Variants in RNF4 observed in about 807,000 individuals in gnomAD.
RNF4 encodes the protein ring finger protein 4, also known as E3 ubiquitin-protein ligase RNF4.
A neutral mutation model predicts 24.3 loss-of-function variants in RNF4; 7 were observed. The observed-to-expected ratio is 0.29, with a 90% CI of 0.16 to 0.54. The LOEUF (loss-of-function observed/expected upper bound fraction) is 0.54. RNF4 is among the 20% of genes least tolerant of loss of function. The pLI is 0.95. For synonymous variants in RNF4, 83 were observed against 84.3 expected, an observed-to-expected ratio of 0.98 and a Z score of 0.09; for missense variants, 209 against 248.5, an observed-to-expected ratio of 0.84 and a Z score of 1.07.
At chr4:2,513,526 C>A in intron 7 of RNF4, 144 bp from the exon 8 acceptor site, 1 of 915,446 alleles carries the variant, frequency 1.1e-6, no homozygotes, top group Non-Finnish European at 1.6e-6. Context: ...ACACAGTTAG[C>A]TCTCCAGACC....
In RNF4 at chr4:2,493,659, G is replaced by A. The variant is rs953502438; in HGVS notation, c.9+3157G>A. 4.1e-5 allele frequency among the ~76,000 whole-genome samples: 6 copies of A among 146,078 alleles called. 1 individual carries two copies. Among genetic ancestry groups the A allele is most frequent in the East Asian group, 2.1e-4 (1 of 4,762 alleles). ...CTCGGGAGGCTGAGGCAGGAGAATC[G>A]CTTGAACCTGGGAGGCAGAAGTTGT... On this transcript the variant is annotated intron_variant, in intron 2 of 7. Coordinates refer to ENST00000314289, the MANE Select transcript of RNF4 (RefSeq NM_002938.5).
chr4:2,485,994 G>A lies in RNF4; in HGVS notation c.-157-4343G>A, dbSNP rs143968265. On this transcript the variant is annotated intron_variant, in intron 1 of 7. Transcript: ENST00000314289. ...GTTCCCGCTAGTTTCTGGAATTGATGTATTTGATTCTGGCACTAACATACC... is the reference window on the plus strand; with the variant it reads ...GTTCCCGCTAGTTTCTGGAATTGATATATTTGATTCTGGCACTAACATACC... Among the ~76,000 whole-genome samples, 98 of 152,288 alleles carry A rather than the reference G, an allele frequency of 6.4e-4. 1 individual carries two copies. The highest frequency in any genetic ancestry group is 2.0e-3 in the African/African-American group (85 of 41,554).
At chr4:2,486,002 T>C (rs1735395362) in intron 1 of RNF4, among the ~76,000 whole-genome samples, 1 of 152,208 alleles carries the variant, frequency 6.6e-6, no homozygotes, top group Non-Finnish European at 1.5e-5. Flanking sequence ...ATGTATTTGA[T>C]TCTGGCACTA....
chr4:2,498,357 T>C (rs888275802), intron 3 of RNF4, among the ~76,000 whole-genome samples: 2 of 152,062 alleles, frequency 1.3e-5, no homozygotes, highest in African/African-American at 4.8e-5. Flanking sequence ...CTAAATTTTT[T>C]TTGTATTTTT....
At chr4:2,486,869 G>A (rs1735425020) in intron 1 of RNF4, among the ~76,000 whole-genome samples, 1 of 152,134 alleles carries the variant, frequency 6.6e-6, no homozygotes, top group South Asian at 2.1e-4. Flanking sequence ...TTGATGTGGC[G>A]GGGAGAACAA....
chr4:2,493,507 G>GCCC (rs1205387471), intron 2 of RNF4, among the ~76,000 whole-genome samples: 1 of 152,008 alleles, frequency 6.6e-6, no homozygotes, highest in Non-Finnish European at 1.5e-5. Context: ...TCTGCTACAG[G>GCCC]CTGGGCATGG....
chr4:2,488,622 G>A (rs1239397525), intron 1 of RNF4, among the ~76,000 whole-genome samples: 3 of 152,182 alleles, frequency 2.0e-5, no homozygotes, highest in Non-Finnish European at 2.9e-5. Flanking sequence ...TCAGCCCACA[G>A]ACACTGAGCC....
chr4:2,474,054 G>A (rs765934314), intron 1 of RNF4, among the ~76,000 whole-genome samples: 9 of 151,390 alleles, frequency 5.9e-5, no homozygotes, highest in Admixed American at 1.3e-4. Context: ...GCACTCAAGC[G>A]TGGACAATAG....
chr4:2,511,888 G>C (rs1770823), intron 4 of RNF4, 68 bp from the exon 5 acceptor site: 269,186 of 1,498,768 alleles, frequency 0.18, 26,779 homozygotes, highest in East Asian at 0.35. Context: ...AAAAGAAATG[G>C]CTTCGTTTAT....
At chr4:2,513,347 G>A (rs1213159476) in intron 7 of RNF4, among the ~76,000 whole-genome samples, 1 of 152,166 alleles carries the variant, frequency 6.6e-6, no homozygotes, top group Non-Finnish European at 1.5e-5. Flanking sequence ...ACTCCTGTAT[G>A]CCCTGAGCTT....
At chr4:2,482,863 G>A (rs999267956) in intron 1 of RNF4, among the ~76,000 whole-genome samples, 1 of 152,152 alleles carries the variant, frequency 6.6e-6, no homozygotes, top group African/African-American at 2.4e-5. Context: ...GTCATTGGCT[G>A]TGTGCCGGCT....
In RNF4 at chr4:2,505,620, C is replaced by T. The variant is rs187632241; in HGVS notation, c.204+4882C>T. The T allele has an allele frequency of 5.5e-3, 828 of 151,726 alleles. 8 individuals are homozygous for T. Among genetic ancestry groups the T allele is most frequent in the Non-Finnish European group, 8.1e-3 (552 of 67,998 alleles). The allele number at this position is 151,726 out of a possible 1,614,324, so 9.4% of individuals were successfully genotyped here. A position where few individuals can be genotyped will look rare whatever the true frequency, so the allele number is the denominator to read the frequency against. Reference sequence around the variant, plus strand: ...GATTATAGGTGTGAGCCACCGCGCCCGGCCTTGGGTCATGATTTCCATCAT... The same window carrying T: ...GATTATAGGTGTGAGCCACCGCGCCTGGCCTTGGGTCATGATTTCCATCAT... On this transcript the variant is annotated intron_variant, in intron 4 of 7. Transcript: ENST00000314289.
At chr4:2,479,593 C>T (rs1003010775) in intron 1 of RNF4, among the ~76,000 whole-genome samples, 6 of 152,138 alleles carry the variant, frequency 3.9e-5, no homozygotes, top group East Asian at 1.9e-4. Context: ...CCACGTAAGA[C>T]GGGACTTACT....
chr4:2,471,960 T>C (rs1281507847), intron 1 of RNF4, among the ~76,000 whole-genome samples: 3 of 152,178 alleles, frequency 2.0e-5, no homozygotes, highest in Admixed American at 6.5e-5. Flanking sequence ...GCAGAACATA[T>C]AGCTAAAATA....
chr4:2,497,078 C>G lies in RNF4; in HGVS notation c.81C>G (p.Pro27=). 6.2e-7 allele frequency: 1 copy of G among 1,609,800 alleles called. No homozygotes were observed. The highest frequency in any genetic ancestry group is 8.5e-7 in the Non-Finnish European group (1 of 1,178,162). The change falls in exon 3 of 8, where the codon CCC becomes CCG. Residue 27 remains proline (P), a synonymous_variant. Transcript: ENST00000314289. ...QKRTREATST[P]EISLEAEPIE... ...GAACTCGGGAAGCAACCTCCACCCC[C>G]GAGATCTCCTTGGAAGCAGAACCCA...
intron 5 of RNF4, 22 bp downstream of exon 5, chr4:2,511,987 T>A (rs754818387): frequency 7.5e-6 from 12 of 1,603,946 alleles, no homozygotes; most frequent in Non-Finnish European, 1.0e-5. Flanking sequence ...CGTTTCCTTT[T>A]TCACTGGGTT....
intron 4 of RNF4, among the ~76,000 whole-genome samples, chr4:2,507,463 G>T (rs1367589601): frequency 6.6e-6 from 1 of 152,250 alleles, no homozygotes; most frequent in Non-Finnish European, 1.5e-5. Context: ...TGCATGATGT[G>T]TGTAGCTGTT....
chr4:2,473,663 TAGC>T (rs1734979488), intron 1 of RNF4, among the ~76,000 whole-genome samples: 1 of 151,550 alleles, frequency 6.6e-6, no homozygotes, highest in African/African-American at 2.4e-5. Context: ...TACAAAAAAT[TAGC>T]AGGGCGTGGT....
intron 2 of RNF4, among the ~76,000 whole-genome samples, chr4:2,495,627 CTCT>C (rs1735709023): frequency 8.3e-6 from 1 of 120,236 alleles, no homozygotes; most frequent in Admixed American, 9.9e-5. Context: ...TGTTGGGAAG[CTCT>C]TTTTTTTTTG....
Sources: gnomAD v4.1 joint callset for allele counts (sites outside exome capture counted in the v4.1 genomes callset) on GRCh38, gnomAD v4.1.1 for gene constraint, MANE v1.5 for transcripts, NCBI Gene and HGNC (gene_info 2026-07-23, HGNC 2026-07-21) for gene names.